PPP2R2A: variants seen among roughly 807,000 people sequenced by gnomAD.
PPP2R2A encodes serine/threonine-protein phosphatase 2A 55 kDa regulatory subunit B alpha isoform.
PPP2R2A carries 9 observed loss-of-function variants against 53.2 expected under a neutral mutation model. The ratio of observed to expected loss-of-function variants is 0.17; its 90% CI spans 0.10 to 0.30. The LOEUF (loss-of-function observed/expected upper bound fraction) is 0.30, where lower values mean the gene tolerates loss of function less well. Among genes scored for constraint, PPP2R2A ranks in the 10% least tolerant of loss-of-function variants. The probability of loss-of-function intolerance (pLI) is 1.00; values close to 1 mark genes in which losing one functional copy is unlikely to be tolerated. For synonymous variants in PPP2R2A, 169 were observed against 174.2 expected (o/e 0.97, Z 0.23); for missense variants, 235 against 534.6 (o/e 0.44, Z 5.53).
intron 2 of PPP2R2A, among the ~76,000 whole-genome samples, chr8:26,299,148 A>G (rs571890652): frequency 2.6e-5 from 4 of 152,094 alleles, no homozygotes; most frequent in Non-Finnish European, 5.9e-5. Context: ...GCAGTGTGCA[A>G]CTGTAGTCCC....
At chr8:26,298,348 G>A (rs1018665158) in intron 2 of PPP2R2A, among the ~76,000 whole-genome samples, 1 of 152,102 alleles carries the variant, frequency 6.6e-6, no homozygotes, top group Non-Finnish European at 1.5e-5. Context: ...CTTCCGCTGG[G>A]TTCCTTGGTG....
chr8:26,339,068 A>AATGATTAAATTCTACT (rs1803808002), intron 3 of PPP2R2A, 81 bp downstream of exon 3: 1 of 1,040,028 alleles, frequency 9.6e-7, no homozygotes, highest in Non-Finnish European at 1.5e-6. Flanking sequence ...ATCTCATCAG[A>AATGATTAAATTCTACT]GGATGTTGGA....
chr8:26,364,538 C>T (rs1032526685), intron 8 of PPP2R2A, among the ~76,000 whole-genome samples: 1 of 152,126 alleles, frequency 6.6e-6, no homozygotes, highest in Admixed American at 6.5e-5. Context: ...CTGTGCTAGG[C>T]CCTAGACTGC....
intron 2 of PPP2R2A, among the ~76,000 whole-genome samples, chr8:26,311,661 C>T (rs755960472): frequency 2.0e-4 from 31 of 152,130 alleles, no homozygotes; most frequent in African/African-American, 3.4e-4. Flanking sequence ...GTCTGGGCAA[C>T]GTAGCATGAC....
intron 2 of PPP2R2A, among the ~76,000 whole-genome samples, chr8:26,329,467 A>G (rs1390318669): frequency 6.6e-6 from 1 of 152,130 alleles, no homozygotes; most frequent in East Asian, 1.9e-4. Flanking sequence ...TATGACTGTT[A>G]CATTCTCACC....
intron 3 of PPP2R2A, among the ~76,000 whole-genome samples, chr8:26,346,604 AC>A (rs1804229384): frequency 6.6e-6 from 1 of 152,222 alleles, no homozygotes; most frequent in Non-Finnish European, 1.5e-5. Context: ...GTTCCTTCTT[AC>A]AGTTGAGTTG....
chr8:26,292,564 T>A (rs762941904), intron 1 of PPP2R2A: 3 of 574,134 alleles, frequency 5.2e-6, no homozygotes, highest in African/African-American at 4.1e-5. Flanking sequence ...TTCAGAGATA[T>A]AAATAGCAAG....
chr8:26,354,455 G>C lies in PPP2R2A; in HGVS notation c.181-13G>C. On this transcript the variant is annotated splice_polypyrimidine_tract_variant and intron_variant, in intron 3 of 9. Transcript: ENST00000380737. This position sits in a 1 kb window ranked among gnomAD's most constrained non-coding sequence, Gnocchi z 4.6. Reference sequence around the variant, plus strand: ...TTTCAACAATGGTCCATATATTTTTGTTTTCATTTTAGAACAAAATCCAGT... The same window carrying C: ...TTTCAACAATGGTCCATATATTTTTCTTTTCATTTTAGAACAAAATCCAGT... The C allele has an allele frequency of 6.7e-7, 1 of 1,500,128 alleles. No individual in the cohort carries two copies. Among genetic ancestry groups the C allele is most frequent in the Non-Finnish European group, 9.0e-7 (1 of 1,117,040 alleles). 92.9% of individuals were successfully genotyped at this position (1,500,128 alleles called of 1,614,324 possible).
chr8:26,311,512 T>C (rs1802289617), intron 2 of PPP2R2A, among the ~76,000 whole-genome samples: 1 of 152,138 alleles, frequency 6.6e-6, no homozygotes, highest in Non-Finnish European at 1.5e-5. Context: ...AATTTAAAAT[T>C]ATTGTGCTGA....
intron 3 of PPP2R2A, among the ~76,000 whole-genome samples, chr8:26,341,709 A>G (rs1345237198): frequency 1.3e-5 from 2 of 152,190 alleles, no homozygotes; most frequent in African/African-American, 2.4e-5. Context: ...ATACACTGGC[A>G]TTTGATCTAT....
intron 3 of PPP2R2A, among the ~76,000 whole-genome samples, chr8:26,344,537 C>T (rs888895137): frequency 1.3e-5 from 2 of 152,102 alleles, no homozygotes; most frequent in African/African-American, 4.8e-5. Context: ...TGTTTTCTGT[C>T]ATAGGTGTTA....
At chr8:26,320,759 A>T (rs1257722929) in intron 2 of PPP2R2A, among the ~76,000 whole-genome samples, 2 of 152,208 alleles carry the variant, frequency 1.3e-5, no homozygotes, top group African/African-American at 4.8e-5. Context: ...TTTTTTTAAA[A>T]GAAAGCAGTT....
At chr8:26,325,381 T>A (rs1340713469) in intron 2 of PPP2R2A, among the ~76,000 whole-genome samples, 1 of 152,044 alleles carries the variant, frequency 6.6e-6, no homozygotes, top group East Asian at 1.9e-4. Context: ...AAGAGGTAAC[T>A]TTCACCTCCC....
At chr8:26,325,074 C>T (rs923808005) in intron 2 of PPP2R2A, among the ~76,000 whole-genome samples, 2 of 150,520 alleles carry the variant, frequency 1.3e-5, no homozygotes, top group South Asian at 2.1e-4. Context: ...TGAGTTAAGA[C>T]GTTGGGGGAC....
intron 2 of PPP2R2A, among the ~76,000 whole-genome samples, chr8:26,299,255 C>CT (rs1801676583): frequency 9.3e-6 from 1 of 108,084 alleles, no homozygotes; most frequent in Admixed American, 9.1e-5. Flanking sequence ...GAGTAAGACT[C>CT]TGTTTCAAAA....
At chr8:26,364,800 TTTTTG>T (rs768673716) in intron 8 of PPP2R2A, among the ~76,000 whole-genome samples, 23 of 152,108 alleles carry the variant, frequency 1.5e-4, no homozygotes, top group African/African-American at 2.2e-4. Context: ...ATACACAGAT[TTTTTG>T]TTTTGTTTTG....
chr8:26,329,565 A>G (rs1803266472), intron 2 of PPP2R2A, among the ~76,000 whole-genome samples: 1 of 152,166 alleles, frequency 6.6e-6, no homozygotes, highest in South Asian at 2.1e-4. Context: ...CTTTGGGGAC[A>G]TCATCTGTAT....
intron 2 of PPP2R2A, among the ~76,000 whole-genome samples, chr8:26,306,092 G>A (rs917825792): frequency 6.6e-6 from 1 of 152,088 alleles, no homozygotes. Flanking sequence ...AGAATCGCTT[G>A]AACCCAGGAG....
At position 26,370,117 on chromosome 8, in the gene PPP2R2A, A is replaced by C. The variant is rs1554519110; in HGVS notation, c.1065-17A>C. The C allele has an allele frequency of 1.9e-6, 3 of 1,607,486 alleles. No individual in the cohort carries two copies. Among genetic ancestry groups the C allele is most frequent in the Admixed American group, 1.7e-5 (1 of 59,786 alleles). On this transcript the variant is annotated splice_polypyrimidine_tract_variant and intron_variant, in intron 9 of 9. Coordinates refer to ENST00000380737, the MANE Select transcript of PPP2R2A (RefSeq NM_002717.4). This position sits in a 1 kb window ranked among gnomAD's most constrained non-coding sequence, Gnocchi z 6.1. ...TTGTTCTGCTTGTTTGACTGAGTGTACTGTCTATTTTCACAGTGTTGTCAT... is the reference window on the plus strand; with the variant it reads ...TTGTTCTGCTTGTTTGACTGAGTGTCCTGTCTATTTTCACAGTGTTGTCAT...
Sources: allele counts gnomAD v4.1 joint callset (sites outside exome capture counted in the v4.1 genomes callset), GRCh38; gene constraint gnomAD v4.1.1; non-coding constraint Gnocchi (gnomAD v3.1); transcripts MANE v1.5; gene names NCBI Gene and HGNC (gene_info 2026-07-23, HGNC 2026-07-21).